The following PRKG1 variants were observed in gnomAD, a reference collection of about 807,000 sequenced individuals.
PRKG1 encodes cGMP-dependent protein kinase 1.
A neutral mutation model predicts 88.1 loss-of-function variants in PRKG1; 35 were observed. The ratio of observed to expected loss-of-function variants is 0.40; its 90% CI spans 0.30 to 0.53. PRKG1 has a LOEUF of 0.53. PRKG1 is among the 20% of genes least tolerant of loss of function. The probability of loss-of-function intolerance (pLI) is 0.59; values close to 1 mark genes in which losing one functional copy is unlikely to be tolerated. For missense variants in PRKG1, 540 were observed against 839.8 expected (o/e 0.64, Z 4.41); for synonymous variants, 303 against 292.5 (o/e 1.04, Z -0.37).
At chr10:51,641,561 T>C (rs1316760184) in intron 3 of PRKG1, among the ~76,000 whole-genome samples, 2 of 152,192 alleles carry the variant, frequency 1.3e-5, no homozygotes, top group African/African-American at 4.8e-5. Context: ...CCATGCTCGA[T>C]CAGCTGGTTT....
chr10:52,290,166 C>T, intron 16 of PRKG1, 58 bp from the exon 17 acceptor site: 1 of 1,467,284 alleles, frequency 6.8e-7, no homozygotes. Context: ...GTATACACTG[C>T]AATGAGAAGC....
chr10:51,040,465 C>T (rs148141242), intron 1 of PRKG1, among the ~76,000 whole-genome samples: 2,277 of 151,356 alleles, frequency 0.015, 28 homozygotes, highest in Non-Finnish European at 0.021. Flanking sequence ...ATTACAGGTG[C>T]CCTCCAATAC....
intron 3 of PRKG1, among the ~76,000 whole-genome samples, chr10:51,802,899 G>A (rs949296314): frequency 2.0e-5 from 3 of 152,062 alleles, no homozygotes; most frequent in Non-Finnish European, 4.4e-5. Flanking sequence ...CCCCCAAACC[G>A]TGCAGCAACA....
At chr10:51,187,874 GTTAGATCTTGCTTGTTTTGATTTCTT>G (rs1837533702) in intron 2 of PRKG1, among the ~76,000 whole-genome samples, 1 of 151,900 alleles carries the variant, frequency 6.6e-6, no homozygotes, top group Admixed American at 6.6e-5. Context: ...CCCAAAACTT[GTTAGATCTTGCTTGTTTTGATTTCTT>G]GAATATATTT....
intron 7 of PRKG1, among the ~76,000 whole-genome samples, chr10:52,074,972 A>G (rs867522308): frequency 2.0e-5 from 3 of 152,248 alleles, no homozygotes; most frequent in Non-Finnish European, 2.9e-5. Context: ...AAAGTATGCT[A>G]TGTGATAATT....
At chr10:51,015,316 C>G (rs1843044122) in intron 1 of PRKG1, among the ~76,000 whole-genome samples, 1 of 152,150 alleles carries the variant, frequency 6.6e-6, no homozygotes, top group South Asian at 2.1e-4. Context: ...TATTTAAAAC[C>G]TACTATGTTC....
At chr10:51,886,560 A>G (rs1349026837) in intron 4 of PRKG1, among the ~76,000 whole-genome samples, 4 of 152,302 alleles carry the variant, frequency 2.6e-5, no homozygotes, top group Admixed American at 2.0e-4. Context: ...TAAAGTTTAA[A>G]TCACGGGCAA....
intron 1 of PRKG1, among the ~76,000 whole-genome samples, chr10:51,100,877 C>A (rs1324731171): frequency 6.6e-6 from 1 of 152,130 alleles, no homozygotes; most frequent in Non-Finnish European, 1.5e-5. Flanking sequence ...TGAGGCATTG[C>A]TTAAACAGAT....
intron 7 of PRKG1, among the ~76,000 whole-genome samples, chr10:52,068,401 T>A (rs11000674): frequency 0.17 from 26,373 of 152,012 alleles, 2,897 homozygotes; most frequent in South Asian, 0.28. Context: ...TTCCCCTAAC[T>A]TTTGAGTCTT....
At chr10:51,947,730 A>G (rs534208764) in intron 5 of PRKG1, among the ~76,000 whole-genome samples, 1 of 152,318 alleles carries the variant, frequency 6.6e-6, no homozygotes, top group Admixed American at 6.5e-5. Context: ...GAAGGGCTGC[A>G]GAGCTGCACC....
At chr10:51,898,703 A>G (rs1435190055) in intron 4 of PRKG1, among the ~76,000 whole-genome samples, 3 of 152,036 alleles carry the variant, frequency 2.0e-5, no homozygotes, top group Non-Finnish European at 4.4e-5. Context: ...TGTAGTCCTA[A>G]CTACTCAGGA....
chr10:51,117,011 C>T (rs183905834), intron 1 of PRKG1, among the ~76,000 whole-genome samples: 16 of 151,902 alleles, frequency 1.1e-4, no homozygotes, highest in African/African-American at 3.6e-4. Context: ...AATGGAGAAA[C>T]GTACTTGAAA....
intron 3 of PRKG1, among the ~76,000 whole-genome samples, chr10:51,665,343 C>T (rs1840397405): frequency 6.6e-6 from 1 of 152,020 alleles, no homozygotes; most frequent in African/African-American, 2.4e-5. Context: ...TTTTACATTG[C>T]CTTGCTCAAT....
At chr10:51,721,212 TAAAAA>T (rs55873432) in intron 3 of PRKG1, among the ~76,000 whole-genome samples, 4 of 122,038 alleles carry the variant, frequency 3.3e-5, no homozygotes, top group South Asian at 2.6e-4. Context: ...CAAGACCTAT[TAAAAA>T]AAAAAAAAAA....
At chr10:51,677,612 A>G (rs1363697198) in intron 3 of PRKG1, among the ~76,000 whole-genome samples, 1 of 152,222 alleles carries the variant, frequency 6.6e-6, no homozygotes, top group African/African-American at 2.4e-5. Flanking sequence ...GTGTCTAAAC[A>G]AGTAACAAAG....
chr10:52,145,631 C>T (rs1837710186), intron 8 of PRKG1, among the ~76,000 whole-genome samples: 1 of 152,144 alleles, frequency 6.6e-6, no homozygotes, highest in Non-Finnish European at 1.5e-5. Flanking sequence ...ACTGTATAGT[C>T]ATGAAGTTTG....
chr10:51,991,997 A>G (rs913331444), intron 5 of PRKG1, among the ~76,000 whole-genome samples: 2 of 152,308 alleles, frequency 1.3e-5, no homozygotes, highest in Admixed American at 6.5e-5. Flanking sequence ...TCTTAGTTCC[A>G]AGCACCAAGT....
chr10:51,303,908 C>A (rs1402790043), intron 2 of PRKG1, among the ~76,000 whole-genome samples: 1 of 152,052 alleles, frequency 6.6e-6, no homozygotes, highest in East Asian at 1.9e-4. Context: ...GCAACCTCCA[C>A]CCCCAGGTTC....
chr10:51,695,873 T>G (rs895461342), intron 3 of PRKG1: 3 of 152,190 alleles, frequency 2.0e-5, no homozygotes, highest in Admixed American at 1.3e-4. Context: ...TAAACATTTT[T>G]TCATCTGTAA....
Sources: allele counts gnomAD v4.1 joint callset (sites outside exome capture counted in the v4.1 genomes callset), GRCh38; gene constraint gnomAD v4.1.1; transcripts MANE v1.5; gene names NCBI Gene and HGNC (gene_info 2026-07-23, HGNC 2026-07-21).